The following NXPH1 variants were observed in gnomAD, a reference collection of about 807,000 sequenced individuals.
NXPH1 encodes neurexophilin 1, also known as neurexophilin-1.
In NXPH1, 5 loss-of-function variants were observed where a neutral mutation model predicts 23.7. That is an observed-to-expected ratio of 0.21 (90% CI 0.11 to 0.44). NXPH1 has a LOEUF of 0.44. NXPH1 is among the 20% of genes least tolerant of loss of function. NXPH1 has a pLI of 0.99. For synonymous variants in NXPH1, 144 were observed against 122.2 expected (o/e 1.18, Z -1.18); for missense variants, 324 against 321.6 (o/e 1.01, Z -0.06).
intron 2 of NXPH1, among the ~76,000 whole-genome samples, chr7:8,724,397 G>A (rs1032845343): frequency 6.6e-6 from 1 of 152,152 alleles, no homozygotes; most frequent in African/African-American, 2.4e-5. Context: ...ACTAGGAGAG[G>A]AAAGTCTTCC....
chr7:8,513,874 C>A (rs971914119), intron 2 of NXPH1, among the ~76,000 whole-genome samples: 2 of 152,076 alleles, frequency 1.3e-5, no homozygotes, highest in East Asian at 3.9e-4. Context: ...CGTATTGTCT[C>A]TCAGTTCTGG....
chr7:8,547,472 G>A (rs1028133343), intron 2 of NXPH1, among the ~76,000 whole-genome samples: 1 of 134,946 alleles, frequency 7.4e-6, no homozygotes, highest in African/African-American at 2.5e-5. Context: ...ACTAGAAAAC[G>A]TGTAATTCTT....
chr7:8,599,260 G>A (rs559236535), intron 2 of NXPH1, among the ~76,000 whole-genome samples: 3 of 152,222 alleles, frequency 2.0e-5, no homozygotes, highest in African/African-American at 7.2e-5. Flanking sequence ...CATGGGATTG[G>A]TTGGACATTC....
At chr7:8,630,060 A>T (rs950004862) in intron 2 of NXPH1, among the ~76,000 whole-genome samples, 1 of 152,084 alleles carries the variant, frequency 6.6e-6, no homozygotes, top group Admixed American at 6.6e-5. Flanking sequence ...GTCTTAAGAA[A>T]AAAGCATACT....
intron 2 of NXPH1, among the ~76,000 whole-genome samples, chr7:8,488,435 G>A (rs1479960818): frequency 1.3e-5 from 2 of 152,074 alleles, no homozygotes; most frequent in Non-Finnish European, 2.9e-5. Context: ...AGATTAAATT[G>A]ATTAAGTGAT....
intron 2 of NXPH1, among the ~76,000 whole-genome samples, chr7:8,446,909 C>CT (rs34187217): frequency 4.1e-4 from 61 of 148,604 alleles, no homozygotes; most frequent in Non-Finnish European, 6.9e-4. Context: ...TAGTAATATT[C>CT]TTTTTTTTTT....
chr7:8,560,265 A>C (rs117521994), intron 2 of NXPH1, among the ~76,000 whole-genome samples: 1 of 151,746 alleles, frequency 6.6e-6, no homozygotes, highest in Non-Finnish European at 1.5e-5. Flanking sequence ...TTCTCATACT[A>C]TAATGCAGAT....
At chr7:8,493,305 C>A (rs553498562) in intron 2 of NXPH1, among the ~76,000 whole-genome samples, 3 of 152,114 alleles carry the variant, frequency 2.0e-5, no homozygotes, top group South Asian at 4.1e-4. Flanking sequence ...CAATTTTAAC[C>A]CTATAGCTCT....
intron 2 of NXPH1, among the ~76,000 whole-genome samples, chr7:8,741,890 A>G (rs1352551619): frequency 6.6e-6 from 1 of 152,078 alleles, no homozygotes; most frequent in African/African-American, 2.4e-5. Flanking sequence ...TCCTTCTGCC[A>G]AGATACACAT....
intron 2 of NXPH1, among the ~76,000 whole-genome samples, chr7:8,523,499 C>T (rs1264916847): frequency 6.6e-6 from 1 of 152,232 alleles, no homozygotes; most frequent in Non-Finnish European, 1.5e-5. Flanking sequence ...ACTTCTAAAA[C>T]TGTGTCCCAA....
intron 2 of NXPH1, among the ~76,000 whole-genome samples, chr7:8,490,193 T>C (rs1817226242): frequency 6.6e-6 from 1 of 152,008 alleles, no homozygotes; most frequent in African/African-American, 2.4e-5. Flanking sequence ...AAAAAATAAT[T>C]TCATGAATGC....
intron 2 of NXPH1, among the ~76,000 whole-genome samples, chr7:8,608,858 C>T (rs972102657): frequency 1.3e-5 from 2 of 151,988 alleles, no homozygotes; most frequent in Non-Finnish European, 2.9e-5. Context: ...GACAGGTATA[C>T]TAGGGAGTTT....
intron 2 of NXPH1, among the ~76,000 whole-genome samples, chr7:8,738,621 C>CAG (rs1196304765): frequency 2.0e-5 from 3 of 152,174 alleles, no homozygotes; most frequent in African/African-American, 7.2e-5. Flanking sequence ...CTTGAGGAGG[C>CAG]AGTCTGTCCC....
At chr7:8,600,188 A>T (rs60715046) in intron 2 of NXPH1, among the ~76,000 whole-genome samples, 5,601 of 152,204 alleles carry the variant, frequency 0.037, 304 homozygotes, top group African/African-American at 0.12. Context: ...GTTCTGGGGT[A>T]TAAGAAAGTA....
At chr7:8,690,346 G>C (rs1821205102) in intron 2 of NXPH1, 1 of 152,172 alleles carries the variant, frequency 6.6e-6, no homozygotes, top group South Asian at 2.1e-4. Context: ...AAGAAATTTG[G>C]TGAGCTATTT....
chr7:8,459,074 C>T (rs780476911), intron 2 of NXPH1, among the ~76,000 whole-genome samples: 5 of 151,168 alleles, frequency 3.3e-5, no homozygotes, highest in Non-Finnish European at 5.9e-5. Flanking sequence ...CTGATCTATT[C>T]ATGATTTTTC....
intron 2 of NXPH1, among the ~76,000 whole-genome samples, chr7:8,705,233 GC>G (rs1435905068): frequency 2.0e-5 from 3 of 152,102 alleles, no homozygotes; most frequent in Admixed American, 2.0e-4. Flanking sequence ...ATGGAGTTTT[GC>G]ACACAGTTTA....
rs550517276 is a variant in NXPH1, at chr7:8,702,007, T to G, written c.55-49001T>G. 3.4e-4 allele frequency among the ~76,000 whole-genome samples: 51 copies of G among 151,588 alleles called. 1 individual carries two copies. The South Asian group carries it at 5.9e-3, about 17-fold the overall frequency. Reference sequence around the variant, plus strand: ...ACCAATTTATCTGTTAACTATTTGCTTCCCAAATAATTATTCATGATCCCA... The same window carrying G: ...ACCAATTTATCTGTTAACTATTTGCGTCCCAAATAATTATTCATGATCCCA... On this transcript the variant is annotated intron_variant, in intron 2 of 2. Coordinates refer to ENST00000405863, the MANE Select transcript of NXPH1 (RefSeq NM_152745.3).
intron 2 of NXPH1, among the ~76,000 whole-genome samples, chr7:8,656,228 C>G (rs1304346521): frequency 6.6e-6 from 1 of 152,144 alleles, no homozygotes; most frequent in Non-Finnish European, 1.5e-5. Context: ...AATAATAAAG[C>G]TAATTAATAA....
Sources: gnomAD v4.1 joint callset for allele counts (sites outside exome capture counted in the v4.1 genomes callset) on GRCh38, gnomAD v4.1.1 for gene constraint, MANE v1.5 for transcripts, NCBI Gene and HGNC (gene_info 2026-07-23, HGNC 2026-07-21) for gene names.